STX3: variants seen among roughly 807,000 people sequenced by gnomAD.
STX3 encodes syntaxin-3.
A neutral mutation model predicts 40.2 loss-of-function variants in STX3; 19 were observed. The ratio of observed to expected loss-of-function variants is 0.47; its 90% CI spans 0.33 to 0.69. The LOEUF (loss-of-function observed/expected upper bound fraction) is 0.69. STX3 is among the 30% of genes least tolerant of loss of function. The pLI is 0.02. For missense variants in STX3, 364 were observed against 366.7 expected, an observed-to-expected ratio of 0.99 and a Z score of 0.06; for synonymous variants, 122 against 132.2, an observed-to-expected ratio of 0.92 and a Z score of 0.53.
In STX3 at chr11:59,803,771, T is replaced by A. The variant is rs1476156061; in HGVS notation, c.*2947T>A. ...ACCCCGGGTAAGAGGGATTTGGTGA[T>A]CCCAGCCACGAACACCATGCTATAT... On this transcript the variant is annotated 3_prime_UTR_variant, in exon 11 of 11. Transcript: ENST00000337979. 1 of 152,798 alleles carries A rather than the reference T, an allele frequency of 6.5e-6. No individual in the cohort carries two copies. Among genetic ancestry groups the A allele is most frequent in the Admixed American group, 6.5e-5 (1 of 15,282 alleles). 9.5% of individuals were successfully genotyped at this position (152,798 alleles called of 1,614,324 possible). A position where few individuals can be genotyped will look rare whatever the true frequency, so the allele number is the denominator to read the frequency against.
intron 1 of STX3, among the ~76,000 whole-genome samples, chr11:59,765,945 A>G (rs1291334369): frequency 6.6e-6 from 1 of 152,234 alleles, no homozygotes; most frequent in South Asian, 2.1e-4. Flanking sequence ...TGGAGAAGAG[A>G]AGGTGCAAGA....
In STX3 at chr11:59,801,568, G is replaced by C; in HGVS notation, c.*744G>C. 1.0e-6 allele frequency: 1 copy of C among 985,448 alleles called. No individual in the cohort carries two copies. The highest frequency in any genetic ancestry group is 1.2e-6 in the Non-Finnish European group (1 of 829,936). 61.0% of individuals were successfully genotyped at this position (985,448 alleles called of 1,614,324 possible). On this transcript the variant is annotated 3_prime_UTR_variant, in exon 11 of 11. Transcript: ENST00000337979. ...CGGTATGGAATATGTTTCCATGTCT[G>C]AGTCTTAGAAACTGGCTGCTCATTG...
intron 2 of STX3, among the ~76,000 whole-genome samples, chr11:59,784,228 G>A (rs1864610488): frequency 6.6e-6 from 1 of 152,222 alleles, no homozygotes; most frequent in Non-Finnish European, 1.5e-5. Context: ...GAATTTCTGT[G>A]ACAACCAATC....
At chr11:59,769,215 C>T (rs1399247629) in intron 1 of STX3, among the ~76,000 whole-genome samples, 1 of 152,080 alleles carries the variant, frequency 6.6e-6, no homozygotes, top group Non-Finnish European at 1.5e-5. Context: ...CATTATGTTG[C>T]CATGGAGCCG....
intron 1 of STX3, among the ~76,000 whole-genome samples, chr11:59,759,702 G>T (rs1411972969): frequency 2.0e-5 from 3 of 152,098 alleles, no homozygotes; most frequent in Non-Finnish European, 4.4e-5. Context: ...GGCTCTAAAG[G>T]CCAGACTAAC....
Position 59,801,640 on chromosome 11 carries a change from A to T in STX3, c.*816A>T, listed in dbSNP as rs994741305. ...GACTATTGTCTTGGGGCCAAAAATA[A>T]TCAGGGATTTTAAATTGGGCAAGGG... is the stretch of plus-strand genomic sequence containing the variant. On this transcript the variant is annotated 3_prime_UTR_variant, in exon 11 of 11. Transcript: ENST00000337979. 4.1e-6 allele frequency: 4 copies of T among 985,598 alleles called. No individual in the cohort carries two copies. The African/African-American group carries it at 7.0e-5, about 17-fold the overall frequency. 61.1% of individuals were successfully genotyped at this position (985,598 alleles called of 1,614,324 possible). A position where few individuals can be genotyped will look rare whatever the true frequency, so the allele number is the denominator to read the frequency against.
At chr11:59,782,960 C>G (rs1008432985) in intron 2 of STX3, among the ~76,000 whole-genome samples, 2 of 151,574 alleles carry the variant, frequency 1.3e-5, no homozygotes, top group African/African-American at 4.9e-5. Context: ...GATCATGCCA[C>G]TGCACTCTAG....
At chr11:59,792,047 G>C in intron 5 of STX3, 60 bp from the exon 6 acceptor site, 1 of 1,333,216 alleles carries the variant, frequency 7.5e-7, no homozygotes, top group South Asian at 1.2e-5. Context: ...GGGGTGGGGA[G>C]GGGTTCTATA....
intron 3 of STX3, 70 bp from the exon 4 acceptor site, chr11:59,788,803 G>T: frequency 7.3e-7 from 1 of 1,362,028 alleles, no homozygotes; most frequent in South Asian, 1.2e-5. Flanking sequence ...CTCTGATGAT[G>T]ATTGCTGTAG....
chr11:59,776,244 T>G (rs970096234), intron 2 of STX3, among the ~76,000 whole-genome samples: 3 of 152,114 alleles, frequency 2.0e-5, no homozygotes, highest in Non-Finnish European at 4.4e-5. Flanking sequence ...AGTGGTACAA[T>G]TTTGGAAAAG....
intron 4 of STX3, among the ~76,000 whole-genome samples, chr11:59,789,442 C>CTTT (rs113424563): frequency 7.1e-6 from 1 of 141,276 alleles, no homozygotes; most frequent in African/African-American, 2.6e-5. Flanking sequence ...CAACTACATA[C>CTTT]TTTTTTTTTT....
intron 10 of STX3, among the ~76,000 whole-genome samples, chr11:59,797,902 G>A (rs1865615392): frequency 6.6e-6 from 1 of 152,210 alleles, no homozygotes; most frequent in African/African-American, 2.4e-5. Flanking sequence ...ACTTTTGAGT[G>A]TTGTGTTGTA....
chr11:59,793,565 G>A (rs1865333990), intron 8 of STX3, 51 bp downstream of exon 8: 2 of 1,585,938 alleles, frequency 1.3e-6, no homozygotes, highest in African/African-American at 2.7e-5. Flanking sequence ...AAAGCTCAGG[G>A]TCTACTGAGA....
intron 4 of STX3, 54 bp from the exon 5 acceptor site, chr11:59,790,465 A>G: frequency 6.7e-6 from 9 of 1,351,090 alleles, no homozygotes; most frequent in Non-Finnish European, 8.5e-6. Flanking sequence ...ACTGAATAGC[A>G]TGTTTCTTGG....
At chr11:59,783,108 G>A (rs1404351042) in intron 2 of STX3, among the ~76,000 whole-genome samples, 1 of 152,144 alleles carries the variant, frequency 6.6e-6, no homozygotes, top group Non-Finnish European at 1.5e-5. Context: ...TCAACACTTG[G>A]TCAGCAATAC....
chr11:59,777,061 T>G (rs1354108980), intron 2 of STX3, among the ~76,000 whole-genome samples: 2 of 152,232 alleles, frequency 1.3e-5, no homozygotes, highest in African/African-American at 4.8e-5. Context: ...GATCCAATGT[T>G]CTGTGACAGG....
At chr11:59,761,350 TCGGA>T (rs1863023547) in intron 1 of STX3, among the ~76,000 whole-genome samples, 1 of 152,184 alleles carries the variant, frequency 6.6e-6, no homozygotes, top group Non-Finnish European at 1.5e-5. Context: ...ATGCCTTTCC[TCGGA>T]CCCCGCAAAC....
In STX3 at chr11:59,787,066, GA is replaced by G; in HGVS notation, c.145del (p.Ile49SerfsTer5). 1.2e-6 allele frequency: 2 copies of G among 1,614,168 alleles called. No individual in the cohort carries two copies. Among genetic ancestry groups the G allele is most frequent in the Non-Finnish European group, 1.7e-6 (2 of 1,180,012 alleles). On this transcript the variant is annotated frameshift_variant, in exon 3 of 11. Transcript: ENST00000337979. LOFTEE classifies it high-confidence loss of function. ...AGGAAACTCGGCTTAACATTGACAA[GA>G]TCTCAGAACATGTAGAGGAGGCTAA... is the stretch of plus-strand genomic sequence containing the variant. Reference protein sequence around the residue: ...IEETRLNIDKISEHVEEAKKL... With the variant: ...IEETRLNIDKXSEHVEEAKKL...
At chr11:59,781,365 T>A in intron 2 of STX3, 1 of 1,594,338 alleles carries the variant, frequency 6.3e-7, no homozygotes, top group Non-Finnish European at 8.5e-7. Flanking sequence ...CATGACACAC[T>A]CCACCACTAA....
Sources: gnomAD v4.1 joint callset for allele counts (sites outside exome capture counted in the v4.1 genomes callset) on GRCh38, gnomAD v4.1.1 for gene constraint, MANE v1.5 for transcripts, NCBI Gene and HGNC (gene_info 2026-07-23, HGNC 2026-07-21) for gene names.